Variants in TRABD2B observed in about 807,000 individuals in gnomAD.
TRABD2B encodes the protein TraB domain containing 2B.
A neutral mutation model predicts 40.1 loss-of-function variants in TRABD2B; 14 were observed. The observed-to-expected ratio is 0.35, with a 90% CI of 0.23 to 0.55. The LOEUF is 0.55. Among genes scored for constraint, TRABD2B ranks in the 20% least tolerant of loss-of-function variants. The probability of loss-of-function intolerance (pLI) is 0.90; values close to 1 mark genes in which losing one functional copy is unlikely to be tolerated. For synonymous variants in TRABD2B, 263 were observed against 277.0 expected (o/e 0.95, Z 0.50); for missense variants, 541 against 648.6 (o/e 0.83, Z 1.80).
chr1:47,775,734 C>CT (rs1254455902), intron 5 of TRABD2B, among the ~76,000 whole-genome samples: 1 of 152,212 alleles, frequency 6.6e-6, no homozygotes, highest in Non-Finnish European at 1.5e-5. Flanking sequence ...CCTCTGATCT[C>CT]TGAGAGCTTA....
At chr1:47,781,770 G>A (rs1410436833) in intron 4 of TRABD2B, among the ~76,000 whole-genome samples, 1 of 152,208 alleles carries the variant, frequency 6.6e-6, no homozygotes, top group Non-Finnish European at 1.5e-5. Flanking sequence ...TGTGGCCTGT[G>A]CCCCAGAACT....
In TRABD2B at chr1:47,994,359, G is replaced by C; in HGVS notation, c.341C>G (p.Pro114Arg). ...PHGENLQDVL[P>R]HELYWRLKRH... ...CTTCAAGCGCCAGTAAAGCTCGTGG[G>C]GCAGCACGTCCTGCAGGTTTTCCCC... The change falls in exon 2 of 7, where the codon CCC becomes CGC. Residue 114 changes from proline (P) to arginine (R), a missense_variant. Around this residue, in one of 2 missense-constraint regions of TRABD2B, gnomAD observed 369 missense variants for 492.8 expected, o/e 0.75. Transcript: ENST00000606738. The surrounding 1 kb of genome is among the most constrained non-coding windows in gnomAD (Gnocchi z 6.7). 1 of 1,536,182 alleles carries C rather than the reference G, an allele frequency of 6.5e-7. No individual in the cohort carries two copies. Among genetic ancestry groups the C allele is most frequent in the Non-Finnish European group, 8.7e-7 (1 of 1,146,908 alleles).
intron 2 of TRABD2B, among the ~76,000 whole-genome samples, chr1:47,931,517 T>G (rs1203134867): frequency 6.6e-6 from 1 of 152,136 alleles, no homozygotes; most frequent in Admixed American, 6.5e-5. Flanking sequence ...GGCCCAGGAC[T>G]CAGTAACACT....
chr1:47,982,935 C>G (rs563117237), intron 2 of TRABD2B, among the ~76,000 whole-genome samples: 14 of 152,336 alleles, frequency 9.2e-5, no homozygotes, highest in African/African-American at 3.4e-4. Flanking sequence ...AGACCACCAG[C>G]AGGCCTCACC....
rs1248227177 is a variant in TRABD2B, at chr1:47,960,898, T to C, written c.666+33136A>G. Reference sequence around the variant, plus strand: ...TATGGAACCAAAAAAGAGCCCGCATTGCCAAGTCAATCCTGAGCCAAAAGA... The same window carrying C: ...TATGGAACCAAAAAAGAGCCCGCATCGCCAAGTCAATCCTGAGCCAAAAGA... On this transcript the variant is annotated intron_variant, in intron 2 of 6. Coordinates refer to ENST00000606738, the MANE Select transcript of TRABD2B (RefSeq NM_001194986.2). Among the ~76,000 whole-genome samples the C allele has an allele frequency of 2.6e-5, 4 of 152,156 alleles. No homozygotes were observed. In the East Asian group the frequency reaches 5.8e-4, roughly 22 times the overall value.
chr1:47,876,327 CCT>C (rs965395450), intron 2 of TRABD2B, among the ~76,000 whole-genome samples: 3 of 152,132 alleles, frequency 2.0e-5, no homozygotes, highest in African/African-American at 7.2e-5. Flanking sequence ...TCGTCATTGC[CCT>C]GACTTGAGAG....
chr1:47,807,804 C>T (rs1016918969), intron 2 of TRABD2B, among the ~76,000 whole-genome samples: 21 of 152,288 alleles, frequency 1.4e-4, no homozygotes, highest in African/African-American at 4.8e-4. Context: ...AAAGACTTTG[C>T]ATCCTCTTCT....
At chr1:47,875,819 C>T (rs997752330) in intron 2 of TRABD2B, among the ~76,000 whole-genome samples, 1 of 151,638 alleles carries the variant, frequency 6.6e-6, no homozygotes, top group Admixed American at 6.6e-5. Context: ...GAGTTCTGAT[C>T]CTGGCCCCCA....
intron 2 of TRABD2B, among the ~76,000 whole-genome samples, chr1:47,888,785 C>T (rs1644406692): frequency 1.3e-5 from 2 of 152,210 alleles, no homozygotes; most frequent in Admixed American, 6.5e-5. Context: ...CTTGTCCCTT[C>T]CCACGGACGC....
At chr1:47,776,022 C>T (rs905358034) in intron 5 of TRABD2B, among the ~76,000 whole-genome samples, 2 of 152,208 alleles carry the variant, frequency 1.3e-5, no homozygotes. Flanking sequence ...CACTGTGCCT[C>T]AGTCTCCTAC....
chr1:47,846,856 A>G (rs1331578728), intron 2 of TRABD2B, among the ~76,000 whole-genome samples: 1 of 117,912 alleles, frequency 8.5e-6, no homozygotes, highest in Non-Finnish European at 1.8e-5. Context: ...TAAAACATGC[A>G]TACACACACA....
At chr1:47,920,371 C>A (rs767334739) in intron 2 of TRABD2B, among the ~76,000 whole-genome samples, 2 of 152,190 alleles carry the variant, frequency 1.3e-5, no homozygotes, top group Non-Finnish European at 2.9e-5. Flanking sequence ...AAGACCATGG[C>A]CTCTCCTGTC....
intron 2 of TRABD2B, among the ~76,000 whole-genome samples, chr1:47,878,467 C>T (rs1315780960): frequency 6.6e-6 from 1 of 152,214 alleles, no homozygotes; most frequent in Admixed American, 6.5e-5. Context: ...GCCACCAACA[C>T]AGGCAACATC....
chr1:47,945,103 C>T (rs948305152), intron 2 of TRABD2B, among the ~76,000 whole-genome samples: 2 of 152,174 alleles, frequency 1.3e-5, no homozygotes, highest in African/African-American at 4.8e-5. Flanking sequence ...CTGATTCAGA[C>T]TTCACGGCCC....
intron 2 of TRABD2B, among the ~76,000 whole-genome samples, chr1:47,831,021 C>T (rs963652391): frequency 3.9e-5 from 6 of 152,114 alleles, no homozygotes; most frequent in African/African-American, 7.2e-5. Context: ...GCAGGGGGCC[C>T]GACTGAGCCA....
chr1:47,942,051 T>C lies in TRABD2B; in HGVS notation c.666+51983A>G, dbSNP rs78594540. Among the ~76,000 whole-genome samples, 946 of 152,326 alleles carry C rather than the reference T, an allele frequency of 6.2e-3. 10 individuals are homozygous for C. The highest frequency in any genetic ancestry group is 0.02 in the African/African-American group (839 of 41,570). On this transcript the variant is annotated intron_variant, in intron 2 of 6. Coordinates refer to ENST00000606738, the MANE Select transcript of TRABD2B (RefSeq NM_001194986.2). ...GTTCAGTAAATGTTTGTCTAATGAA[T>C]GACTAAACACTATTGGAAGAGGAGG...
chr1:47,921,428 C>T (rs1265978534), intron 2 of TRABD2B, among the ~76,000 whole-genome samples: 1 of 152,194 alleles, frequency 6.6e-6, no homozygotes, highest in African/African-American at 2.4e-5. Context: ...AACCATCAGA[C>T]TTCCAAAGGG....
intron 2 of TRABD2B, among the ~76,000 whole-genome samples, chr1:47,884,981 A>G (rs928896088): frequency 1.3e-5 from 2 of 152,126 alleles, no homozygotes; most frequent in Non-Finnish European, 2.9e-5. Context: ...GTGCCCAGAC[A>G]TTCAAAACCT....
intron 2 of TRABD2B, among the ~76,000 whole-genome samples, chr1:47,983,865 A>C (rs1645878138): frequency 6.6e-6 from 1 of 152,118 alleles, no homozygotes; most frequent in Admixed American, 6.5e-5. Flanking sequence ...GGAAATTGCA[A>C]ACCGCGATGC....
Sources: allele counts gnomAD v4.1 joint callset (sites outside exome capture counted in the v4.1 genomes callset), GRCh38; gene constraint gnomAD v4.1.1; regional missense constraint gnomAD v4.1.1; non-coding constraint Gnocchi (gnomAD v3.1); transcripts MANE v1.5; gene names NCBI Gene and HGNC (gene_info 2026-07-23, HGNC 2026-07-21).